Variants in RUFY2 observed in about 807,000 individuals in gnomAD.
RUFY2 encodes RUN and FYVE domain-containing protein 2.
RUFY2 carries 49 observed loss-of-function variants against 94.4 expected under a neutral mutation model. That is an observed-to-expected ratio of 0.52 (90% confidence interval 0.41 to 0.66). The LOEUF is 0.66. RUFY2 is among the 30% of genes least tolerant of loss of function. The probability of loss-of-function intolerance (pLI) is 0.00; values close to 1 mark genes in which losing one functional copy is unlikely to be tolerated. For missense variants in RUFY2, 541 were observed against 692.8 expected (o/e 0.78, Z 2.46); for synonymous variants, 255 against 235.7 (o/e 1.08, Z -0.75).
At chr10:68,349,156 G>A (rs10823179) in intron 16 of RUFY2, among the ~76,000 whole-genome samples, 40,056 of 152,040 alleles carry the variant, frequency 0.26, 7,147 homozygotes, top group African/African-American at 0.5. Context: ...CAAGGTTTCC[G>A]ATAACTCTTA....
At chr10:68,341,439 CTG>C (rs1212923961), downstream of RUFY2, 2 of 1,065,532 alleles carry the variant, frequency 1.9e-6, no homozygotes, top group African/African-American at 3.2e-5. Flanking sequence ...TAATGGCTTT[CTG>C]TGGGCTTTAT....
chr10:68,370,966 A>C (rs182155148), intron 13 of RUFY2, among the ~76,000 whole-genome samples: 246 of 152,070 alleles, frequency 1.6e-3, no homozygotes, highest in African/African-American at 5.6e-3. Flanking sequence ...CCCTGTCTCT[A>C]CTAAAAATAC....
rs1229392494 is a variant in RUFY2, at chr10:68,404,728, G to C, written c.121C>G (p.Pro41Ala). 12 of 1,613,040 alleles carry C rather than the reference G, an allele frequency of 7.4e-6. No homozygotes were observed. Among genetic ancestry groups the C allele is most frequent in the Non-Finnish European group, 1.0e-5 (12 of 1,179,620 alleles). The change falls in exon 2 of 18, where the codon CCC (proline) becomes GCC (alanine). Residue 41 changes from proline (P) to alanine (A), a missense_variant. Coordinates refer to ENST00000602465, the MANE Select transcript of RUFY2 (RefSeq NM_001330103.2). The part of the protein sequence containing the change: ...SFGRTLDSDY[P>A]PLQQFFVVME... The stretch of plus-strand genomic sequence containing the variant: ...ACAACAAAGAATTGCTGCAAGGGGG[G>C]ATAGTCAGAATCCAAAGTGCGGCCA...
chr10:68,341,733 AT>A (rs770066057), downstream of RUFY2: 3 of 1,584,836 alleles, frequency 1.9e-6, no homozygotes, highest in Non-Finnish European at 2.6e-6. Context: ...ATGAGTCTCA[AT>A]TTTTTTTCTT....
intron 2 of RUFY2, among the ~76,000 whole-genome samples, chr10:68,403,877 G>A (rs1419906856): frequency 6.7e-6 from 1 of 149,832 alleles, no homozygotes; most frequent in South Asian, 2.1e-4. Context: ...CTGAAGCCTC[G>A]ACCTCCTCAG....
chr10:68,366,620 T>C (rs945851031), intron 13 of RUFY2, among the ~76,000 whole-genome samples: 2 of 148,770 alleles, frequency 1.3e-5, no homozygotes, highest in Non-Finnish European at 3.0e-5. Context: ...CACACACATT[T>C]AATCCCAGCT....
At chr10:68,378,454 C>G in intron 12 of RUFY2, 1 of 1,328,124 alleles carries the variant, frequency 7.5e-7, no homozygotes, top group South Asian at 2.3e-5. Flanking sequence ...GTACAGGGTT[C>G]CTAACATCCT....
intron 13 of RUFY2, among the ~76,000 whole-genome samples, chr10:68,376,471 T>C (rs1373658353): frequency 5.5e-4 from 22 of 39,666 alleles, no homozygotes; most frequent in African/African-American, 2.1e-3. Flanking sequence ...TATATATATA[T>C]ATATATATAT....
intron 11 of RUFY2, among the ~76,000 whole-genome samples, chr10:68,380,672 G>A (rs530622513): frequency 6.6e-6 from 1 of 152,070 alleles, no homozygotes; most frequent in East Asian, 1.9e-4. Flanking sequence ...AACCAGCCTG[G>A]CCAACATTGT....
At chr10:68,383,986 C>CA in intron 9 of RUFY2, 65 bp downstream of exon 9, 1 of 1,574,518 alleles carries the variant, frequency 6.4e-7, no homozygotes, top group Non-Finnish European at 8.7e-7. Flanking sequence ...CTACTTCATC[C>CA]AAAAATCCCC....
intron 13 of RUFY2, among the ~76,000 whole-genome samples, chr10:68,371,249 G>A (rs912591055): frequency 7.3e-5 from 11 of 151,646 alleles, no homozygotes; most frequent in Admixed American, 2.6e-4. Flanking sequence ...GTGAAACCCC[G>A]TATCTACTAA....
chr10:68,366,912 G>A (rs577121870), intron 13 of RUFY2, among the ~76,000 whole-genome samples: 205 of 146,414 alleles, frequency 1.4e-3, no homozygotes, highest in African/African-American at 5.0e-3. Context: ...GTTCATGCCT[G>A]TAATCCCAGC....
At chr10:68,357,348 C>T (rs1332579526) in intron 15 of RUFY2, among the ~76,000 whole-genome samples, 3 of 151,606 alleles carry the variant, frequency 2.0e-5, no homozygotes, top group Admixed American at 1.3e-4. Flanking sequence ...CCTGCCTCAG[C>T]CTCCCGAATA....
chr10:68,346,393 C>A, intron 16 of RUFY2: 1 of 256,296 alleles, frequency 3.9e-6, no homozygotes. Flanking sequence ...GAGTTCAAGA[C>A]CAAGCTGGGC....
At chr10:68,376,026 G>A (rs35768838) in intron 13 of RUFY2, among the ~76,000 whole-genome samples, 5,870 of 151,840 alleles carry the variant, frequency 0.039, 183 homozygotes, top group Non-Finnish European at 0.061. Context: ...CTTGAACCCA[G>A]GAGGCAGAGG....
chr10:68,356,814 G>T (rs189331535), intron 15 of RUFY2, among the ~76,000 whole-genome samples: 2 of 151,790 alleles, frequency 1.3e-5, no homozygotes, highest in African/African-American at 4.8e-5. Context: ...CTCCCAAAGT[G>T]CTGGGACTAC....
chr10:68,376,013 T>G (rs989277484), intron 13 of RUFY2, among the ~76,000 whole-genome samples: 1 of 150,916 alleles, frequency 6.6e-6, no homozygotes, highest in African/African-American at 2.4e-5. Flanking sequence ...GACAGGAGAA[T>G]TGCTTGAACC....
At chr10:68,347,722 T>C (rs1170082065) in intron 16 of RUFY2, among the ~76,000 whole-genome samples, 3 of 152,164 alleles carry the variant, frequency 2.0e-5, no homozygotes, top group African/African-American at 4.8e-5. Flanking sequence ...TCAATACTGA[T>C]TGATTTCCTA....
In RUFY2 at chr10:68,383,852, A is replaced by G. The variant is rs775537844; in HGVS notation, c.885T>C (p.Asp295=). Residue 295 remains aspartate (D), a synonymous_variant, in exon 10 of 18, where the codon GAT becomes GAC. Transcript: ENST00000602465. ...GCCTTCTGGCTTCATTGTACATTTC[A>G]TCTAGCCCCTGACGAGAATGCTTAT... ...QTYKHSRQGL[D]EMYNEARRQL... 3.1e-6 allele frequency: 5 copies of G among 1,613,996 alleles called. No individual in the cohort carries two copies. In the Admixed American group the frequency reaches 6.7e-5, roughly 22 times the overall value.
Sources: gnomAD v4.1 joint callset for allele counts (sites outside exome capture counted in the v4.1 genomes callset) on GRCh38, gnomAD v4.1.1 for gene constraint, MANE v1.5 for transcripts, NCBI Gene and HGNC (gene_info 2026-07-23, HGNC 2026-07-21) for gene names.